The following NRCAM variants were observed in gnomAD, a reference collection of about 807,000 sequenced individuals.
NRCAM encodes the protein NgCAM-related cell adhesion molecule.
A neutral mutation model predicts 156.5 loss-of-function variants in NRCAM; 83 were observed. That is an observed-to-expected ratio of 0.53 (90% CI 0.44 to 0.64). The LOEUF is 0.64. NRCAM is among the 30% of genes least tolerant of loss of function. The probability of loss-of-function intolerance (pLI) is 0.00; values close to 1 mark genes in which losing one functional copy is unlikely to be tolerated. For missense variants in NRCAM, 1,417 were observed against 1,597.3 expected (o/e 0.89, Z 1.92); for synonymous variants, 538 against 563.9 (o/e 0.95, Z 0.65).
At chr7:108,257,048 AAGGG>A (rs139101107) in intron 3 of NRCAM, among the ~76,000 whole-genome samples, 5,705 of 144,130 alleles carry the variant, frequency 0.04, 155 homozygotes, top group Middle Eastern at 0.077. Context: ...GAAAAGAAGG[AAGGG>A]AGGGAGGGAG....
chr7:108,230,550 C>T (rs925587871), intron 8 of NRCAM, among the ~76,000 whole-genome samples: 13 of 152,172 alleles, frequency 8.5e-5, no homozygotes, highest in South Asian at 4.1e-4. Context: ...ATCACCCTCC[C>T]GCTCGGCTCC....
intron 2 of NRCAM, among the ~76,000 whole-genome samples, chr7:108,395,120 A>G (rs1374747157): frequency 6.6e-6 from 1 of 152,246 alleles, no homozygotes; most frequent in Non-Finnish European, 1.5e-5. Flanking sequence ...AGCTTATATT[A>G]TGAGAAAATG....
intron 1 of NRCAM, among the ~76,000 whole-genome samples, chr7:108,432,990 C>G (rs992116696): frequency 2.6e-5 from 4 of 152,244 alleles, no homozygotes; most frequent in Middle Eastern, 3.4e-3. Flanking sequence ...AAAAGAAAAA[C>G]TGGACTCTGT....
At position 108,311,181 on chromosome 7, in the gene NRCAM, A is replaced by T. The variant is rs372263401; in HGVS notation, c.-107+1484T>A. Among the ~76,000 whole-genome samples, 60 of 152,296 alleles carry T rather than the reference A, an allele frequency of 3.9e-4. 2 individuals carry two copies. Among genetic ancestry groups the T allele is most frequent in the East Asian group, 2.3e-3 (12 of 5,182 alleles). On this transcript the variant is annotated intron_variant, in intron 3 of 32. Coordinates refer to ENST00000379028, the MANE Select transcript of NRCAM (RefSeq NM_001037132.4). Reference sequence around the variant, plus strand: ...CCCTCAGTGTCTTACTACCTTATAGATATCAGACAATATATTATCTACGAA... The same window carrying T: ...CCCTCAGTGTCTTACTACCTTATAGTTATCAGACAATATATTATCTACGAA...
chr7:108,238,622 A>G, intron 4 of NRCAM, among the ~76,000 whole-genome samples: 1 of 152,118 alleles, frequency 6.6e-6, no homozygotes, highest in East Asian at 1.9e-4. Context: ...GAACAGTCAG[A>G]TTAAGGGGGA....
At chr7:108,219,605 G>A (rs1372888677) in intron 11 of NRCAM, among the ~76,000 whole-genome samples, 5 of 152,200 alleles carry the variant, frequency 3.3e-5, no homozygotes, top group Admixed American at 1.3e-4. Flanking sequence ...AAAATCGCAC[G>A]ATCATCTCAA....
chr7:108,317,821 A>G (rs1303333374), intron 2 of NRCAM, among the ~76,000 whole-genome samples: 10 of 151,234 alleles, frequency 6.6e-5, no homozygotes, highest in East Asian at 2.0e-4. Flanking sequence ...AGGCAGGAGA[A>G]TCACTTGAAC....
intron 2 of NRCAM, among the ~76,000 whole-genome samples, chr7:108,321,800 A>G (rs1283921220): frequency 1.3e-5 from 2 of 152,238 alleles, no homozygotes; most frequent in Non-Finnish European, 2.9e-5. Context: ...TGCATACAAA[A>G]TCTTTCAAAA....
chr7:108,276,164 A>G (rs2097594211), intron 3 of NRCAM, among the ~76,000 whole-genome samples: 1 of 152,162 alleles, frequency 6.6e-6, no homozygotes, highest in South Asian at 2.1e-4. Flanking sequence ...TACGTGGTCA[A>G]TTTTAGAATA....
chr7:108,442,786 C>G (rs1002713260), intron 1 of NRCAM, among the ~76,000 whole-genome samples: 4 of 152,214 alleles, frequency 2.6e-5, no homozygotes, highest in Non-Finnish European at 4.4e-5. Flanking sequence ...CATACTGAAA[C>G]AGTGATATTC....
At position 108,149,319 on chromosome 7, in the gene NRCAM, G is replaced by A. The variant is rs953418219; in HGVS notation, c.*591C>T. The A allele has an allele frequency of 6.6e-6, 1 of 152,600 alleles. No homozygotes were observed. Among genetic ancestry groups the A allele is most frequent in the African/African-American group, 2.4e-5 (1 of 41,424 alleles). The allele number at this position is 152,600 out of a possible 1,614,324, so 9.5% of individuals were successfully genotyped here. On this transcript the variant is annotated 3_prime_UTR_variant, in exon 33 of 33. Coordinates refer to ENST00000379028, the MANE Select transcript of NRCAM (RefSeq NM_001037132.4). Reference sequence around the variant, plus strand: ...AAGAGTAGGTAATAGTTCTCAGTAAGCATCAGCAATGTGACTGTCATAATG... The same window carrying A: ...AAGAGTAGGTAATAGTTCTCAGTAAACATCAGCAATGTGACTGTCATAATG...
chr7:108,219,869 A>G (rs1216665161), intron 11 of NRCAM, among the ~76,000 whole-genome samples: 1 of 152,192 alleles, frequency 6.6e-6, no homozygotes, highest in Non-Finnish European at 1.5e-5. Context: ...GACAAGAGAA[A>G]GAAATAAAGG....
chr7:108,262,514 A>G (rs1298918704), intron 3 of NRCAM, among the ~76,000 whole-genome samples: 6 of 152,166 alleles, frequency 3.9e-5, no homozygotes, highest in African/African-American at 1.4e-4. Context: ...TTCAAACTAG[A>G]ATTTGAACCC....
At chr7:108,409,256 T>C (rs189440168) in intron 1 of NRCAM, among the ~76,000 whole-genome samples, 14 of 152,276 alleles carry the variant, frequency 9.2e-5, no homozygotes, top group Admixed American at 5.9e-4. Context: ...CAAAACAACA[T>C]TGAATGTTTT....
At chr7:108,260,187 C>T (rs188414848) in intron 3 of NRCAM, among the ~76,000 whole-genome samples, 3 of 152,138 alleles carry the variant, frequency 2.0e-5, no homozygotes, top group Admixed American at 2.0e-4. Context: ...TTCAGGCAAG[C>T]GGAGCCCTCC....
At chr7:108,299,936 C>A (rs2098554692) in intron 3 of NRCAM, among the ~76,000 whole-genome samples, 1 of 152,116 alleles carries the variant, frequency 6.6e-6, no homozygotes, top group South Asian at 2.1e-4. Context: ...TCGATGTCTT[C>A]ATCTATAAAA....
At chr7:108,218,408 T>C (rs974807870) in intron 11 of NRCAM, among the ~76,000 whole-genome samples, 1 of 152,268 alleles carries the variant, frequency 6.6e-6, no homozygotes, top group East Asian at 1.9e-4. Flanking sequence ...AGAATACACA[T>C]TCTATTCAAC....
intron 3 of NRCAM, among the ~76,000 whole-genome samples, chr7:108,263,875 T>C (rs1042906974): frequency 3.9e-5 from 6 of 152,260 alleles, no homozygotes; most frequent in Non-Finnish European, 7.3e-5. Context: ...CACTCAAGTC[T>C]TCCTGCATTC....
Position 108,232,523 on chromosome 7 carries a change from C to T in NRCAM, c.231-1G>A. The T allele has an allele frequency of 4.4e-6, 7 of 1,605,498 alleles. No homozygotes were observed. The highest frequency in any genetic ancestry group is 6.0e-6 in the Non-Finnish European group (7 of 1,176,430). On this transcript the variant is annotated splice_acceptor_variant, in intron 6 of 32. Transcript: ENST00000379028. LOFTEE classifies it high-confidence loss of function. The stretch of plus-strand genomic sequence containing the variant: ...AGTCCCATTACGGGTCCAGGAAAAG[C>T]TGCCCAACACACGAAGTGTTAAGTG...
Sources: allele counts gnomAD v4.1 joint callset (sites outside exome capture counted in the v4.1 genomes callset), GRCh38; gene constraint gnomAD v4.1.1; transcripts MANE v1.5; gene names NCBI Gene and HGNC (gene_info 2026-07-23, HGNC 2026-07-21).